Variants in MAP2K7 observed in about 807,000 individuals in gnomAD.
The protein encoded by MAP2K7 is mitogen-activated protein kinase kinase 7.
MAP2K7 carries 12 observed loss-of-function variants against 47.7 expected under a neutral mutation model. That is an observed-to-expected ratio of 0.25 (90% CI 0.16 to 0.41). MAP2K7 has a LOEUF of 0.41. Ranked by LOEUF, MAP2K7 falls within the 10% of genes least tolerant of loss-of-function variation. The probability of loss-of-function intolerance (pLI) is 1.00; values close to 1 mark genes in which losing one functional copy is unlikely to be tolerated. For missense variants in MAP2K7, 415 were observed against 600.3 expected (o/e 0.69, Z 3.23); for synonymous variants, 299 against 243.0 (o/e 1.23, Z -2.14).
chr19:7,906,667 T>G (rs1982480208), intron 1 of MAP2K7: 1 of 151,748 alleles, frequency 6.6e-6, no homozygotes, highest in African/African-American at 2.4e-5. Flanking sequence ...GGTGGATCAC[T>G]TGAGGTCAGG....
In MAP2K7 at chr19:7,912,326, G is replaced by T; in HGVS notation, c.1155G>T (p.Thr385=). Residue 385 remains threonine, a synonymous_variant, in exon 11 of 11, where the codon ACG becomes ACT. Transcript: ENST00000397979. The stretch of plus-strand genomic sequence containing the variant: ...ACAGCTTCATCAAGCGCTACGAGAC[G>T]CTGGAGGTGGACGTGGCGTCCTGGT... The part of the protein sequence containing the change: ...LEHSFIKRYE[T]LEVDVASWFK... 1.2e-6 allele frequency: 2 copies of T among 1,613,640 alleles called. No homozygotes were observed. The highest frequency in any genetic ancestry group is 1.7e-6 in the Non-Finnish European group (2 of 1,179,990).
chr19:7,904,470 TC>T (rs1472977802), intron 1 of MAP2K7: 2 of 370,586 alleles, frequency 5.4e-6, no homozygotes, highest in Admixed American at 3.2e-5. Flanking sequence ...GGCGCCCCCC[TC>T]CCCCGGCCTG....
chr19:7,904,321 A>G (rs1328419341), intron 1 of MAP2K7: 2 of 220,176 alleles, frequency 9.1e-6, no homozygotes, highest in Non-Finnish European at 1.8e-5. Context: ...CCAGCTGATG[A>G]CCCGCCCCCA....
chr19:7,911,630 A>C, intron 9 of MAP2K7, 52 bp downstream of exon 9: 1 of 1,516,710 alleles, frequency 6.6e-7, no homozygotes, highest in Non-Finnish European at 8.9e-7. Context: ...TGCTCTGGGC[A>C]GCTGGGGAGG....
chr19:7,912,682 G>T lies in MAP2K7; in HGVS notation c.*251G>T, dbSNP rs1007904830. The T allele has an allele frequency of 1.8e-6, 1 of 558,930 alleles. No homozygotes were observed. Among genetic ancestry groups the T allele is most frequent in the Non-Finnish European group, 3.2e-6 (1 of 314,860 alleles). 34.6% of individuals were successfully genotyped at this position (558,930 alleles called of 1,614,324 possible). A position where few individuals can be genotyped will look rare whatever the true frequency, so the allele number is the denominator to read the frequency against. On this transcript the variant is annotated 3_prime_UTR_variant, in exon 11 of 11. Coordinates refer to ENST00000397979, the MANE Select transcript of MAP2K7 (RefSeq NM_145185.4). ...CACTGTGAACGGAAGACAGCAGGCC[G>T]CGATCAGAGTCGCTGTTCATTCAGC...
At chr19:7,905,879 G>A in intron 1 of MAP2K7, 1 of 1,610,518 alleles carries the variant, frequency 6.2e-7, no homozygotes, top group Non-Finnish European at 8.5e-7. Context: ...TATCATCGCT[G>A]CTTGGACATC....
At chr19:7,909,289 C>T (rs1042290483) in intron 1 of MAP2K7, among the ~76,000 whole-genome samples, 11 of 152,230 alleles carry the variant, frequency 7.2e-5, no homozygotes, top group Non-Finnish European at 1.5e-4. Flanking sequence ...TCGCTCTTGT[C>T]TGGGAGCCAA....
In MAP2K7 at chr19:7,903,907, C is replaced by G; in HGVS notation, c.-38C>G. Reference sequence around the variant, plus strand: ...GGTGTTTGTCTGCCGGACTGACGGGCGGCCGGGCGGTGCGCGGCGGCGGTG... The same window carrying G: ...GGTGTTTGTCTGCCGGACTGACGGGGGGCCGGGCGGTGCGCGGCGGCGGTG... On this transcript the variant is annotated 5_prime_UTR_variant, in exon 1 of 11. Transcript: ENST00000397979. The G allele has an allele frequency of 6.9e-7, 1 of 1,448,742 alleles. No individual in the cohort carries two copies. The highest frequency in any genetic ancestry group is 9.2e-7 in the Non-Finnish European group (1 of 1,088,978). The allele number at this position is 1,448,742 out of a possible 1,614,324, so 89.7% of individuals were successfully genotyped here.
At chr19:7,904,527 G>T (rs1179086242) in intron 1 of MAP2K7, 2 of 263,054 alleles carry the variant, frequency 7.6e-6, no homozygotes, top group South Asian at 5.6e-5. Flanking sequence ...ACACGCGCAC[G>T]CCTGGCTCGG....
At chr19:7,909,581 G>A (rs1434118488) in intron 1 of MAP2K7, among the ~76,000 whole-genome samples, 174 bp from the exon 2 acceptor site, 1 of 152,182 alleles carries the variant, frequency 6.6e-6, no homozygotes, top group Non-Finnish European at 1.5e-5. Flanking sequence ...AGTCTGGGGT[G>A]GGAGGGAGAC....
chr19:7,909,691 G>C, intron 1 of MAP2K7, 64 bp from the exon 2 acceptor site: 2 of 1,039,558 alleles, frequency 1.9e-6, no homozygotes, highest in South Asian at 3.0e-5. Flanking sequence ...TGGAGTGCCA[G>C]ATGTGGAGCT....
intron 9 of MAP2K7, 148 bp from the exon 10 acceptor site, chr19:7,912,001 C>T (rs1016900017): frequency 8.5e-6 from 6 of 707,086 alleles, no homozygotes; most frequent in Non-Finnish European, 9.6e-6. Context: ...TCCCCGCTGT[C>T]AGCCGGGGTC....
chr19:7,910,847 C>T lies in MAP2K7; in HGVS notation c.675+44C>T, dbSNP rs41285782. The T allele has an allele frequency of 5.0e-3, 7,931 of 1,572,566 alleles. 29 individuals carry two copies. Among genetic ancestry groups the T allele is most frequent in the Non-Finnish European group, 6.1e-3 (7,030 of 1,152,616 alleles). On this transcript the variant is annotated intron_variant, in intron 6 of 10. Coordinates refer to ENST00000397979, the MANE Select transcript of MAP2K7 (RefSeq NM_145185.4). ...CTTGCACTGGGCAGGATGACAGAGG[C>T]GGTGAGTGACCAGGCGGGGCGTGCA...
chr19:7,904,599 TCC>T, intron 1 of MAP2K7: 1 of 173,784 alleles, frequency 5.8e-6, no homozygotes, highest in South Asian at 7.2e-5. Flanking sequence ...CCGAGGATTC[TCC>T]CTCTCGCTCT....
intron 2 of MAP2K7, 22 bp downstream of exon 2, chr19:7,909,918 G>T: frequency 2.7e-6 from 4 of 1,504,518 alleles, no homozygotes; most frequent in Non-Finnish European, 3.6e-6. Context: ...GCCCAGCAGG[G>T]TTGGGTGGGA....
At chr19:7,909,459 C>T (rs1209725578) in intron 1 of MAP2K7, among the ~76,000 whole-genome samples, 2 of 152,220 alleles carry the variant, frequency 1.3e-5, no homozygotes, top group Admixed American at 6.5e-5. Flanking sequence ...CCGAGGGACA[C>T]CTCAGGTCCC....
intron 1 of MAP2K7, among the ~76,000 whole-genome samples, chr19:7,908,164 C>CA (rs879174307): frequency 0.015 from 1,976 of 129,096 alleles, 18 homozygotes; most frequent in Non-Finnish European, 0.02. Flanking sequence ...GAACCTATCT[C>CA]AAAAAAAAAA....
rs1384614748 is a variant in MAP2K7, at chr19:7,905,932, C to T, written c.124+1864C>T. Reference sequence around the variant, plus strand: ...CGCTGCCCCGGCCGCAGAATGGCGTCCCCCAGCCCCCATGCTCTGTGTGTG... The same window carrying T: ...CGCTGCCCCGGCCGCAGAATGGCGTTCCCCAGCCCCCATGCTCTGTGTGTG... On this transcript the variant is annotated intron_variant, in intron 1 of 10. Coordinates refer to ENST00000397979, the MANE Select transcript of MAP2K7 (RefSeq NM_145185.4). 4.8e-6 allele frequency: 6 copies of T among 1,258,106 alleles called. No homozygotes were observed. The African/African-American group carries it at 8.8e-5, about 19-fold the overall frequency. 77.9% of individuals were successfully genotyped at this position (1,258,106 alleles called of 1,614,324 possible). A position where few individuals can be genotyped will look rare whatever the true frequency, so the allele number is the denominator to read the frequency against.
chr19:7,908,660 G>A (rs528861500), intron 1 of MAP2K7, among the ~76,000 whole-genome samples: 2 of 152,184 alleles, frequency 1.3e-5, no homozygotes, highest in African/African-American at 4.8e-5. Context: ...GGGCACCTTG[G>A]TAGGTGTGTG....
Sources: gnomAD v4.1 joint callset for allele counts (sites outside exome capture counted in the v4.1 genomes callset) on GRCh38, gnomAD v4.1.1 for gene constraint, MANE v1.5 for transcripts, NCBI Gene and HGNC (gene_info 2026-07-23, HGNC 2026-07-21) for gene names.